The following LAPTM4B variants were observed in gnomAD, a reference collection of about 807,000 sequenced individuals.
LAPTM4B encodes lysosomal-associated transmembrane protein 4B.
LAPTM4B carries 26 observed loss-of-function variants against 28.5 expected under a neutral mutation model. The observed-to-expected ratio is 0.91, with a 90% CI of 0.67 to 1.27. The LOEUF (loss-of-function observed/expected upper bound fraction) is 1.27, where lower values mean the gene tolerates loss of function less well. LAPTM4B is among the 50% of genes most tolerant of loss of function. LAPTM4B has a pLI of 0.00. For synonymous variants in LAPTM4B, 109 were observed against 106.4 expected, an observed-to-expected ratio of 1.02 and a Z score of -0.15; for missense variants, 288 against 285.8, an observed-to-expected ratio of 1.01 and a Z score of -0.06.
chr8:97,839,786 C>T (rs533665684), intron 6 of LAPTM4B, among the ~76,000 whole-genome samples: 275 of 152,328 alleles, frequency 1.8e-3, no homozygotes, highest in Non-Finnish European at 2.5e-3. Context: ...TAACGTGCCT[C>T]AGAGTCCATA....
chr8:97,793,350 T>C (rs1816533089), intron 1 of LAPTM4B, among the ~76,000 whole-genome samples: 1 of 152,158 alleles, frequency 6.6e-6, no homozygotes, highest in African/African-American at 2.4e-5. Flanking sequence ...ACCATTTTTC[T>C]GTTCAGAAAA....
rs1563601430 is a variant in LAPTM4B at position 97,787,285 on chromosome 8, TTC to T, written c.99+11179_99+11180del. 5.9e-5 allele frequency among the ~76,000 whole-genome samples: 8 copies of T among 135,094 alleles called. No homozygotes were observed. The South Asian group carries it at 1.0e-3, about 17-fold the overall frequency. 88.6% of individuals were successfully genotyped at this position (135,094 alleles called of 152,430 possible). A position where few individuals can be genotyped will look rare whatever the true frequency, so the allele number is the denominator to read the frequency against. On this transcript the variant is annotated intron_variant, in intron 1 of 6. Transcript: ENST00000521545. ...GTGAGGGAGGCTAGGAGATGTTTCT[TTC>T]TTTTTTTTTTTTTTTTGAGACTGAG...
At chr8:97,780,993 C>T (rs112438357) in intron 1 of LAPTM4B, among the ~76,000 whole-genome samples, 9,068 of 150,880 alleles carry the variant, frequency 0.06, 405 homozygotes, top group Admixed American at 0.11. Context: ...TTATGTACTA[C>T]AATTTTTTTT....
chr8:97,807,452 A>G (rs1249052056), intron 2 of LAPTM4B, among the ~76,000 whole-genome samples: 2 of 152,192 alleles, frequency 1.3e-5, no homozygotes, highest in African/African-American at 2.4e-5. Context: ...TAAATGAGTT[A>G]GTGCGTAAAA....
At chr8:97,838,808 C>T (rs1258250821) in intron 6 of LAPTM4B, among the ~76,000 whole-genome samples, 3 of 151,898 alleles carry the variant, frequency 2.0e-5, no homozygotes, top group Non-Finnish European at 4.4e-5. Context: ...GTTTGTTGTT[C>T]GTTTGCTAGT....
chr8:97,826,331 T>C (rs1817090694), intron 6 of LAPTM4B, among the ~76,000 whole-genome samples: 1 of 152,182 alleles, frequency 6.6e-6, no homozygotes, highest in Non-Finnish European at 1.5e-5. Flanking sequence ...GAGGCTCGTT[T>C]TGGGAGTCTG....
At chr8:97,779,311 T>C (rs1248919556) in intron 1 of LAPTM4B, among the ~76,000 whole-genome samples, 1 of 151,858 alleles carries the variant, frequency 6.6e-6, no homozygotes, top group South Asian at 2.1e-4. Context: ...GCCAGTGTGG[T>C]AAAACCCCAT....
chr8:97,798,036 C>G (rs1021850268), intron 1 of LAPTM4B, among the ~76,000 whole-genome samples: 1 of 110,702 alleles, frequency 9.0e-6, no homozygotes, highest in Non-Finnish European at 2.0e-5. Context: ...TAAGTGTGTC[C>G]CCTCTTTTGC....
At chr8:97,789,051 T>G (rs1306698301) in intron 1 of LAPTM4B, among the ~76,000 whole-genome samples, 4 of 52,268 alleles carry the variant, frequency 7.7e-5, no homozygotes, top group Non-Finnish European at 1.3e-4. Context: ...TATTTATTTA[T>G]TTATTTATTT....
chr8:97,845,855 T>TTCC (rs772091149), intron 6 of LAPTM4B, among the ~76,000 whole-genome samples: 4 of 17,322 alleles, frequency 2.3e-4, no homozygotes, highest in Non-Finnish European at 4.1e-4. Flanking sequence ...CTTTTCCTTT[T>TTCC]CCCCCCCCTT....
chr8:97,849,192 A>G (rs931630560), intron 6 of LAPTM4B, among the ~76,000 whole-genome samples: 10 of 152,194 alleles, frequency 6.6e-5, no homozygotes, highest in Non-Finnish European at 1.5e-5. Context: ...ACACCTGGTC[A>G]TCCTACTGAG....
rs773785071 is a variant in LAPTM4B at position 97,815,356 on chromosome 8, T to C, written c.240T>C (p.Leu80=). The C allele has an allele frequency of 4.3e-6, 7 of 1,614,142 alleles. No homozygotes were observed. In the South Asian group the frequency reaches 7.7e-5, roughly 18 times the overall value. ...TGTGCATTGCCATTGCGATTTCTCTTCTCATGATCCTGATATGTGCTATGG... is the reference window on the plus strand; with the variant it reads ...TGTGCATTGCCATTGCGATTTCTCTCCTCATGATCCTGATATGTGCTATGG... ...ANMCIAIAIS[L]LMILICAMAT... Residue 80 remains leucine, a synonymous_variant, in exon 3 of 7, where the codon CTT becomes CTC. Coordinates refer to ENST00000521545, the MANE Select transcript of LAPTM4B (RefSeq NM_018407.6).
chr8:97,793,767 A>G (rs7006201), intron 1 of LAPTM4B, among the ~76,000 whole-genome samples: 72,596 of 152,056 alleles, frequency 0.48, 17,922 homozygotes, highest in African/African-American at 0.59. Context: ...CAGGATAAAC[A>G]CTGCAGCTGC....
intron 2 of LAPTM4B, among the ~76,000 whole-genome samples, chr8:97,812,219 TGTTTTTTG>T (rs1816843527): frequency 2.2e-5 from 1 of 46,212 alleles, no homozygotes; most frequent in African/African-American, 3.5e-5. Flanking sequence ...TTTTTTTTGT[TGTTTTTTG>T]TTTTTTTTTT....
intron 1 of LAPTM4B, among the ~76,000 whole-genome samples, chr8:97,801,658 A>C (rs117919603): frequency 2.6e-5 from 4 of 152,082 alleles, no homozygotes; most frequent in Non-Finnish European, 5.9e-5. Flanking sequence ...CCTGGCTAAT[A>C]TGGTGAAACG....
chr8:97,800,648 C>A (rs537437053), intron 1 of LAPTM4B, among the ~76,000 whole-genome samples: 1 of 151,772 alleles, frequency 6.6e-6, no homozygotes. Flanking sequence ...AGGCATGCAC[C>A]ACCATGCCCG....
At chr8:97,782,390 A>G (rs1816335745) in intron 1 of LAPTM4B, among the ~76,000 whole-genome samples, 1 of 139,056 alleles carries the variant, frequency 7.2e-6, no homozygotes, top group Non-Finnish European at 1.5e-5. Context: ...TTGCCATTTC[A>G]GCCTCCCAAG....
At chr8:97,789,805 G>C (rs1816470545) in intron 1 of LAPTM4B, among the ~76,000 whole-genome samples, 1 of 152,102 alleles carries the variant, frequency 6.6e-6, no homozygotes, top group Non-Finnish European at 1.5e-5. Flanking sequence ...ACAGGCATGA[G>C]CCACCTTGCC....
chr8:97,822,583 T>C (rs993142221), intron 5 of LAPTM4B, among the ~76,000 whole-genome samples: 7 of 151,006 alleles, frequency 4.6e-5, no homozygotes, highest in Non-Finnish European at 8.8e-5. Context: ...GGCACAACCA[T>C]GTTCATCATT....
Sources: allele counts gnomAD v4.1 joint callset (sites outside exome capture counted in the v4.1 genomes callset), GRCh38; gene constraint gnomAD v4.1.1; transcripts MANE v1.5; gene names NCBI Gene and HGNC (gene_info 2026-07-23, HGNC 2026-07-21).